Variants in ADAMTS6 observed in about 807,000 individuals in gnomAD.
The protein encoded by ADAMTS6 is A disintegrin and metalloproteinase with thrombospondin motifs 6.
Under a neutral mutation model 144.3 loss-of-function variants are expected in ADAMTS6, and 23 were observed. The observed-to-expected ratio is 0.16, with a 90% CI of 0.11 to 0.23. The LOEUF is 0.23. Among genes scored for constraint, ADAMTS6 ranks in the 10% least tolerant of loss-of-function variants. The probability of loss-of-function intolerance (pLI) is 1.00; values close to 1 mark genes in which losing one functional copy is unlikely to be tolerated. For missense variants in ADAMTS6, 999 were observed against 1,379.6 expected (o/e 0.72, Z 4.37); for synonymous variants, 444 against 457.5 (o/e 0.97, Z 0.38).
intron 7 of ADAMTS6, among the ~76,000 whole-genome samples, chr5:65,419,556 T>C (rs1428698314): frequency 1.3e-5 from 2 of 152,022 alleles, no homozygotes; most frequent in Admixed American, 1.3e-4. Flanking sequence ...AAAATAAATA[T>C]AGAAAAAATT....
In ADAMTS6 at chr5:65,197,064, G is replaced by A; in HGVS notation, c.2663C>T (p.Pro888Leu). 2 of 1,613,868 alleles carry A rather than the reference G, an allele frequency of 1.2e-6. No individual in the cohort carries two copies. Among genetic ancestry groups the A allele is most frequent in the Non-Finnish European group, 1.7e-6 (2 of 1,179,864 alleles). ...AGTGTTGCAGGCTCTTTGATTTTCAGGTGGCTTACTGTCAGGATCACAGTA... is the reference window on the plus strand; with the variant it reads ...AGTGTTGCAGGCTCTTTGATTTTCAAGTGGCTTACTGTCAGGATCACAGTA... ...NNYCDPDSKP[P>L]ENQRACNTEP... The change falls in exon 21 of 25, where the codon CCT (proline) becomes CTT (leucine). Residue 888 changes from proline to leucine, a missense_variant. By Grantham distance (98) the Pro-to-Leu change is moderately conservative. Transcript: ENST00000381055.
intron 7 of ADAMTS6, among the ~76,000 whole-genome samples, chr5:65,356,747 G>A (rs1406990464): frequency 1.3e-5 from 2 of 151,836 alleles, no homozygotes; most frequent in Non-Finnish European, 2.9e-5. Context: ...TTGCTGGGAA[G>A]TTGGACTCTA....
In ADAMTS6 at chr5:65,432,926, G is replaced by T. The variant is rs117912206; in HGVS notation, c.1073+18549C>A. Among the ~76,000 whole-genome samples the T allele has an allele frequency of 4.6e-5, 7 of 152,188 alleles. No homozygotes were observed. In the East Asian group the frequency reaches 1.3e-3, roughly 29 times the overall value. ...TCAGTTCAATACATATGGGGTGAAT[G>T]AATGAATCAATTAATGAATTTCTAC... On this transcript the variant is annotated intron_variant, in intron 7 of 24. Transcript: ENST00000381055.
intron 8 of ADAMTS6, among the ~76,000 whole-genome samples, chr5:65,330,746 T>C (rs1746631394): frequency 6.6e-6 from 1 of 152,228 alleles, no homozygotes; most frequent in Non-Finnish European, 1.5e-5. Flanking sequence ...CTTTTCCTAC[T>C]GTTTTATGCG....
intron 11 of ADAMTS6, among the ~76,000 whole-genome samples, chr5:65,282,528 A>T (rs1763061840): frequency 6.6e-6 from 1 of 152,074 alleles, no homozygotes; most frequent in South Asian, 2.1e-4. Flanking sequence ...AGGGAAGGGG[A>T]TTCTCAGCAG....
At chr5:65,392,358 C>G (rs1013035938) in intron 7 of ADAMTS6, among the ~76,000 whole-genome samples, 4 of 152,168 alleles carry the variant, frequency 2.6e-5, no homozygotes, top group African/African-American at 9.7e-5. Context: ...CATACATGAT[C>G]CTTGCCTAAT....
At chr5:65,182,875 C>T (rs1386717889) in intron 22 of ADAMTS6, among the ~76,000 whole-genome samples, 1 of 152,018 alleles carries the variant, frequency 6.6e-6, no homozygotes, top group African/African-American at 2.4e-5. Flanking sequence ...TGAAAATCAA[C>T]CAGATTTTCA....
intron 18 of ADAMTS6, among the ~76,000 whole-genome samples, chr5:65,216,116 TCAAA>T (rs3078336): frequency 0.29 from 44,347 of 151,702 alleles, 6,738 homozygotes; most frequent in Admixed American, 0.38. Context: ...AAACAGGTAC[TCAAA>T]CAAATACTTG....
In ADAMTS6 at chr5:65,263,090, T is replaced by C. The variant is rs1275509751; in HGVS notation, c.1621-128A>G. On this transcript the variant is annotated intron_variant, in intron 12 of 24. Transcript: ENST00000381055. ...ATTCTCCCAATTGATAACAGACAGA[T>C]AGTTCTCTAACTGTGTTTAGACACT... is the stretch of plus-strand genomic sequence containing the variant. 5 of 1,174,100 alleles carry C rather than the reference T, an allele frequency of 4.3e-6. No individual in the cohort carries two copies. The East Asian group carries it at 1.0e-4, about 24-fold the overall frequency. 72.7% of individuals were successfully genotyped at this position (1,174,100 alleles called of 1,614,324 possible).
intron 15 of ADAMTS6, among the ~76,000 whole-genome samples, chr5:65,231,492 G>T (rs1483203305): frequency 6.6e-6 from 1 of 152,042 alleles, no homozygotes; most frequent in Non-Finnish European, 1.5e-5. Flanking sequence ...GTACCAATAA[G>T]AAAAAGATGC....
rs1205578994 is a variant in ADAMTS6 at position 65,242,184 on chromosome 5, T to C, written c.1853A>G (p.Asp618Gly). ...GTCTGCACACTGTTTCTCTCGAAAA[T>C]CTCGGGAACCCAAAGGGCATGGCTA... ...NTDPCPLGSR[D>G]FREKQCADFD... The change falls in exon 15 of 25, where the codon GAT (aspartate) becomes GGT (glycine). Residue 618 changes from aspartate (D) to glycine (G), a missense_variant. Physicochemically the swap from Asp to Gly is moderately conservative, Grantham distance 94 (BLOSUM62 -1). Transcript: ENST00000381055. 7 of 1,598,058 alleles carry C rather than the reference T, an allele frequency of 4.4e-6. No individual in the cohort carries two copies. The highest frequency in any genetic ancestry group is 2.2e-5 in the East Asian group (1 of 44,600).
At chr5:65,235,838 C>T (rs2112462723) in intron 15 of ADAMTS6, among the ~76,000 whole-genome samples, 1 of 152,144 alleles carries the variant, frequency 6.6e-6, no homozygotes, top group Non-Finnish European at 1.5e-5. Context: ...GTTGTTAATT[C>T]CAGAAAGAAT....
chr5:65,363,010 C>T (rs1033251949), intron 7 of ADAMTS6, among the ~76,000 whole-genome samples: 1 of 152,052 alleles, frequency 6.6e-6, no homozygotes, highest in Admixed American at 6.6e-5. Context: ...TTCCAAGGTA[C>T]CATATAATAT....
chr5:65,334,967 C>T (rs116627357), intron 7 of ADAMTS6, among the ~76,000 whole-genome samples: 2,163 of 151,970 alleles, frequency 0.014, 34 homozygotes, highest in East Asian at 0.084. Context: ...ATGCTAGAAG[C>T]GAAAAGATTT....
intron 9 of ADAMTS6, among the ~76,000 whole-genome samples, chr5:65,315,333 CA>C (rs1190908961): frequency 2.6e-5 from 4 of 151,398 alleles, no homozygotes; most frequent in Non-Finnish European, 5.9e-5. Flanking sequence ...TCAAGAGCAG[CA>C]ACTAAAATAT....
At chr5:65,421,312 C>T (rs539992085) in intron 7 of ADAMTS6, among the ~76,000 whole-genome samples, 1 of 152,288 alleles carries the variant, frequency 6.6e-6, no homozygotes, top group East Asian at 1.9e-4. Flanking sequence ...CTTTATTTCT[C>T]CTTCATTTAT....
At chr5:65,279,951 T>G (rs1320763684) in intron 11 of ADAMTS6, among the ~76,000 whole-genome samples, 1 of 152,256 alleles carries the variant, frequency 6.6e-6, no homozygotes, top group Non-Finnish European at 1.5e-5. Flanking sequence ...TTGCGTATTC[T>G]GTGCCTCTTG....
chr5:65,432,568 C>T (rs1196053463), intron 7 of ADAMTS6, among the ~76,000 whole-genome samples: 2 of 151,968 alleles, frequency 1.3e-5, no homozygotes, highest in Admixed American at 6.6e-5. Flanking sequence ...CTGCCAGGAA[C>T]ATTTTTCGAA....
intron 7 of ADAMTS6, among the ~76,000 whole-genome samples, chr5:65,362,190 G>A (rs1381401390): frequency 1.3e-5 from 2 of 152,166 alleles, no homozygotes; most frequent in African/African-American, 2.4e-5. Flanking sequence ...TATAAAATGA[G>A]GCTGTGGTTG....
Sources: allele counts gnomAD v4.1 joint callset (sites outside exome capture counted in the v4.1 genomes callset), GRCh38; gene constraint gnomAD v4.1.1; transcripts MANE v1.5; gene names NCBI Gene and HGNC (gene_info 2026-07-23, HGNC 2026-07-21).